C2CD3: variants seen among roughly 807,000 people sequenced by gnomAD.
The protein encoded by C2CD3 is C2 domain-containing protein 3.
A neutral mutation model predicts 234.0 loss-of-function variants in C2CD3; 148 were observed. The observed-to-expected ratio is 0.63, with a 90% CI of 0.55 to 0.72. The LOEUF is 0.72. Among genes scored for constraint, C2CD3 ranks in the 30% least tolerant of loss-of-function variants. C2CD3 has a pLI of 0.00. For missense variants in C2CD3, 2,577 were observed against 2,811.5 expected, an observed-to-expected ratio of 0.92 and a Z score of 1.89; for synonymous variants, 1,000 against 1,035.4, an observed-to-expected ratio of 0.97 and a Z score of 0.66.
chr11:74,139,619 TCTA>T lies in C2CD3; in HGVS notation c.690_692del (p.Ser230del), dbSNP rs770620548. On this transcript the variant is annotated inframe_deletion, in exon 4 of 33. Transcript: ENST00000334126. ...ATGGTAATTACCTCGGAGTGGTTGA[TCTA>T]CTGCTGTTGGCTGCTAACTCTTTTC... is the stretch of plus-strand genomic sequence containing the variant. 5.0e-6 allele frequency: 8 copies of T among 1,612,488 alleles called. No individual in the cohort carries two copies. The highest frequency in any genetic ancestry group is 2.7e-5 in the African/African-American group (2 of 74,872).
intron 19 of C2CD3, chr11:74,091,179 A>T (rs1010489653): frequency 7.8e-6 from 3 of 385,784 alleles, no homozygotes; most frequent in African/African-American, 6.2e-5. Flanking sequence ...CCTTGCCAAG[A>T]TTACACAACT....
Position 74,093,900 on chromosome 11 carries a change from A to T in C2CD3, c.3260T>A (p.Val1087Asp). The T allele has an allele frequency of 6.2e-7, 1 of 1,614,096 alleles. No individual in the cohort carries two copies. The highest frequency in any genetic ancestry group is 8.5e-7 in the Non-Finnish European group (1 of 1,179,938). Reference sequence around the variant, plus strand: ...ACTTAGTAGGAGCCTTTGCACTGGAACCTCAGCTGGCAACAGGAGAGAGTG... The same window carrying T: ...ACTTAGTAGGAGCCTTTGCACTGGATCCTCAGCTGGCAACAGGAGAGAGTG... ...HHHSLLLPAE[V>D]PVQRLLLSAF... Residue 1087 changes from valine (V) to aspartate (D), a missense_variant, in exon 18 of 33, where the codon GTT (valine) becomes GAT (aspartate). Transcript: ENST00000334126.
Position 74,161,561 on chromosome 11 carries a change from C to A in C2CD3, c.326-5G>T. The A allele has an allele frequency of 1.3e-6, 2 of 1,540,706 alleles. No individual in the cohort carries two copies. The highest frequency in any genetic ancestry group is 1.7e-6 in the Non-Finnish European group (2 of 1,147,022). ...CCAGCACCAGCACAGCCATATCTAA[C>A]CAGAAACAATTACAACATGGATATT... On this transcript the variant is annotated splice_region_variant and splice_polypyrimidine_tract_variant and intron_variant, in intron 2 of 32. Transcript: ENST00000334126.
chr11:74,085,673 C>T lies in C2CD3; in HGVS notation c.3855G>A (p.Glu1285=). 3 of 1,614,160 alleles carry T rather than the reference C, an allele frequency of 1.9e-6. No individual in the cohort carries two copies. Among genetic ancestry groups the T allele is most frequent in the Non-Finnish European group, 2.5e-6 (3 of 1,180,022 alleles). Reference sequence around the variant, plus strand: ...AAATAACTTCTGCAAACTCCAACAACTCTGCTAGGAAACAGGCCTCTCCAC... The same window carrying T: ...AAATAACTTCTGCAAACTCCAACAATTCTGCTAGGAAACAGGCCTCTCCAC... ...HCSGEACFLA[E]LLEFAEVIFA... is the part of the protein sequence containing the mutation. The change falls in exon 21 of 33, where the codon GAG becomes GAA. Residue 1285 remains glutamate, a synonymous_variant. Transcript: ENST00000334126.
At chr11:74,104,746 C>G (rs931717443) in intron 13 of C2CD3, among the ~76,000 whole-genome samples, 1 of 152,248 alleles carries the variant, frequency 6.6e-6, no homozygotes, top group Non-Finnish European at 1.5e-5. Context: ...GTAAAAGGTT[C>G]TTGCTGTTTC....
In C2CD3 at chr11:74,155,101, A is replaced by G. The variant is rs543622976; in HGVS notation, c.483+6298T>C. Among the ~76,000 whole-genome samples, 8 of 152,330 alleles carry G rather than the reference A, an allele frequency of 5.3e-5. No homozygotes were observed. The East Asian group carries it at 7.7e-4, about 15-fold the overall frequency. On this transcript the variant is annotated intron_variant, in intron 3 of 32. Transcript: ENST00000334126. Reference sequence around the variant, plus strand: ...TTCCTGGCAGGCCTCCACAGGCTCCAAGATAGTGGAACAAGAGAGGAAACA... The same window carrying G: ...TTCCTGGCAGGCCTCCACAGGCTCCGAGATAGTGGAACAAGAGAGGAAACA...
chr11:74,148,439 T>C (rs943878774), intron 3 of C2CD3, among the ~76,000 whole-genome samples: 9 of 151,766 alleles, frequency 5.9e-5, no homozygotes, highest in Admixed American at 5.3e-4. Context: ...TATATGTGTG[T>C]ATATAAGATA....
At chr11:74,077,785 A>AC (rs1408171479) in intron 23 of C2CD3, among the ~76,000 whole-genome samples, 1 of 2,754 alleles carries the variant, frequency 3.6e-4, no homozygotes, top group Non-Finnish European at 1.2e-3. Flanking sequence ...ATATATATAT[A>AC]TATATATATA....
chr11:74,059,158 G>T lies in C2CD3; in HGVS notation c.4952-1614C>A, dbSNP rs1351560660. Among the ~76,000 whole-genome samples the T allele has an allele frequency of 3.9e-5, 6 of 152,198 alleles. No homozygotes were observed. The East Asian group carries it at 7.7e-4, about 20-fold the overall frequency. ...CGACATGCTCCAGGGAACAGATTCT[G>T]TATGTGTATTCTAACTGGTTTGTAT... On this transcript the variant is annotated intron_variant, in intron 24 of 32. Coordinates refer to ENST00000334126, the MANE Select transcript of C2CD3 (RefSeq NM_001286577.2).
At chr11:74,130,226 CTTTT>C (rs752226149) in intron 7 of C2CD3, among the ~76,000 whole-genome samples, 11 of 128,966 alleles carry the variant, frequency 8.5e-5, no homozygotes, top group Non-Finnish European at 1.8e-4. Context: ...AAGGGTCCAA[CTTTT>C]TTTTTTTTTT....
chr11:74,085,660 C>T lies in C2CD3; in HGVS notation c.3868G>A (p.Ala1290Thr). 6.2e-7 allele frequency: 1 copy of T among 1,614,114 alleles called. No individual in the cohort carries two copies. The highest frequency in any genetic ancestry group is 2.2e-5 in the East Asian group (1 of 44,856). The change falls in exon 21 of 33, where the codon GCA (alanine) becomes ACA (threonine). Residue 1290 changes from alanine (A) to threonine (T), a missense_variant. Coordinates refer to ENST00000334126, the MANE Select transcript of C2CD3 (RefSeq NM_001286577.2). Reference protein sequence around the residue: ...ACFLAELLEFAEVIFAVYHEN... With the variant: ...ACFLAELLEFTEVIFAVYHEN... The stretch of plus-strand genomic sequence containing the variant: ...TGATAGACAGCAAAAATAACTTCTG[C>T]AAACTCCAACAACTCTGCTAGGAAA...
rs1238722604 is a variant in C2CD3 at position 74,098,257 on chromosome 11, T to C, written c.2733-2A>G. On this transcript the variant is annotated splice_acceptor_variant, in intron 15 of 32. Coordinates refer to ENST00000334126, the MANE Select transcript of C2CD3 (RefSeq NM_001286577.2). LOFTEE classifies it high-confidence loss of function. ...AGCAGGCGAGAAATCTTAGCATCTC[T>C]AGAGGGGGAGAAATTGTGAATAAGC... 2 of 1,612,698 alleles carry C rather than the reference T, an allele frequency of 1.2e-6. No homozygotes were observed. The highest frequency in any genetic ancestry group is 1.1e-5 in the South Asian group (1 of 90,972).
At chr11:74,103,007 A>C in intron 14 of C2CD3, 124 bp downstream of exon 14, 1 of 922,528 alleles carries the variant, frequency 1.1e-6, no homozygotes, top group South Asian at 1.7e-5. Context: ...GAATCTGTAC[A>C]CCAGATAATT....
chr11:74,139,561 T>C (rs759141174), intron 4 of C2CD3, 44 bp downstream of exon 4: 2 of 1,258,830 alleles, frequency 1.6e-6, no homozygotes, highest in Non-Finnish European at 2.3e-6. Context: ...ACAACTACAG[T>C]GCAGTTAACT....
chr11:74,103,608 A>G lies in C2CD3; in HGVS notation c.2103T>C (p.Ile701=), dbSNP rs1281873390. The change falls in exon 14 of 33, where the codon ATT becomes ATC. Residue 701 remains isoleucine (I), a synonymous_variant. Transcript: ENST00000334126. ...TACCAGTGAAATCTTTGTTATCTGT[A>G]ATAAGCTCCATGGTTACCTGTAAAA... ...FGPLKVTMEL[I]TDNKDFTGIN... is the part of the protein sequence containing the mutation. The G allele has an allele frequency of 3.7e-6, 6 of 1,611,646 alleles. No homozygotes were observed. Among genetic ancestry groups the G allele is most frequent in the Non-Finnish European group, 3.4e-6 (4 of 1,179,284 alleles).
At position 74,103,306 on chromosome 11, in the gene C2CD3, G is replaced by A; in HGVS notation, c.2405C>T (p.Ala802Val). 4 of 1,614,138 alleles carry A rather than the reference G, an allele frequency of 2.5e-6. 1 individual carries two copies. The highest frequency in any genetic ancestry group is 3.4e-6 in the Non-Finnish European group (4 of 1,179,998). The change falls in exon 14 of 33, where the codon GCT (alanine) becomes GTT (valine). Residue 802 changes from alanine (A) to valine (V), a missense_variant. Transcript: ENST00000334126. Reference sequence around the variant, plus strand: ...CATCAACAGCACATGCAACAGCAAAGCACTCTCTTTTGTTGTCCCATTTGT... The same window carrying A: ...CATCAACAGCACATGCAACAGCAAAACACTCTCTTTTGTTGTCCCATTTGT... ...NQTNGTTKES[A>V]LLLHVLLMVP...
chr11:74,058,124 C>A (rs796067035), intron 24 of C2CD3, among the ~76,000 whole-genome samples: 1 of 152,162 alleles, frequency 6.6e-6, no homozygotes, highest in African/African-American at 2.4e-5. Context: ...AAAGACAGGA[C>A]AGAACTACAA....
chr11:74,167,582 C>T (rs914222742), intron 2 of C2CD3, among the ~76,000 whole-genome samples: 2 of 152,200 alleles, frequency 1.3e-5, no homozygotes, highest in Admixed American at 1.3e-4. Flanking sequence ...ACAAGTTAAT[C>T]TTAACTCACC....
intron 30 of C2CD3, 40 bp downstream of exon 30, chr11:74,037,438 G>C (rs1312648236): frequency 6.7e-7 from 1 of 1,492,488 alleles, no homozygotes; most frequent in East Asian, 2.3e-5. Context: ...TTAGCACCTA[G>C]TGACCATAAC....
Sources: gnomAD v4.1 joint callset for allele counts (sites outside exome capture counted in the v4.1 genomes callset) on GRCh38, gnomAD v4.1.1 for gene constraint, MANE v1.5 for transcripts, NCBI Gene and HGNC (gene_info 2026-07-23, HGNC 2026-07-21) for gene names.